Variants in ZFAND3 observed in about 807,000 individuals in gnomAD.
ZFAND3 encodes the protein AN1-type zinc finger protein 3.
In ZFAND3, 10 loss-of-function variants were observed where a neutral mutation model predicts 29.6. The observed-to-expected ratio is 0.34, with a 90% confidence interval of 0.21 to 0.57. The LOEUF is 0.57. Ranked by LOEUF, ZFAND3 falls within the 20% of genes least tolerant of loss-of-function variation. The pLI is 0.86. For synonymous variants in ZFAND3, 128 were observed against 112.6 expected (o/e 1.14, Z -0.87); for missense variants, 230 against 304.5 (o/e 0.76, Z 1.82).
chr6:37,856,091 C>T (rs1225108876), intron 1 of ZFAND3, among the ~76,000 whole-genome samples: 4 of 151,486 alleles, frequency 2.6e-5, no homozygotes, highest in Non-Finnish European at 5.9e-5. Context: ...TGCAGTGGTG[C>T]TCAAGTGATC....
At position 37,923,100 on chromosome 6, in the gene ZFAND3, A is replaced by G. The variant is rs1345263489; in HGVS notation, c.72-6859A>G. Among the ~76,000 whole-genome samples the G allele has an allele frequency of 3.9e-5, 6 of 152,210 alleles. No homozygotes were observed. In the East Asian group the frequency reaches 1.2e-3, roughly 29 times the overall value. Reference sequence around the variant, plus strand: ...ATAGTTACACAGAAATATTTTCATTATATCCTTATTCTATAAGTTTTCTTT... The same window carrying G: ...ATAGTTACACAGAAATATTTTCATTGTATCCTTATTCTATAAGTTTTCTTT... On this transcript the variant is annotated intron_variant, in intron 1 of 5. Transcript: ENST00000287218.
chr6:38,032,719 CAA>C (rs145034600), intron 2 of ZFAND3, among the ~76,000 whole-genome samples: 3,098 of 152,228 alleles, frequency 0.02, 96 homozygotes, highest in African/African-American at 0.071. Context: ...AAGCAAAGCA[CAA>C]AAGAGTCCCT....
chr6:37,934,301 T>C (rs1163100845), intron 2 of ZFAND3, among the ~76,000 whole-genome samples: 1 of 152,022 alleles, frequency 6.6e-6, no homozygotes, highest in Non-Finnish European at 1.5e-5. Context: ...CAAAGGACTT[T>C]TCTTCACAAA....
intron 5 of ZFAND3, among the ~76,000 whole-genome samples, chr6:38,146,893 G>GA (rs1190943573): frequency 2.0e-5 from 3 of 152,178 alleles, no homozygotes; most frequent in Non-Finnish European, 4.4e-5. Flanking sequence ...GGAAAGTGTA[G>GA]ATATGGGAAT....
intron 4 of ZFAND3, among the ~76,000 whole-genome samples, chr6:38,115,311 C>T (rs1415130306): frequency 2.6e-5 from 4 of 152,064 alleles, no homozygotes; most frequent in African/African-American, 9.7e-5. Context: ...TAGAGATAAG[C>T]AAAGGAAGGA....
intron 2 of ZFAND3, among the ~76,000 whole-genome samples, chr6:38,028,487 A>C (rs1763489969): frequency 6.6e-6 from 1 of 151,750 alleles, no homozygotes. Flanking sequence ...TTGAATGTAT[A>C]GTGGTCTATA....
intron 2 of ZFAND3, among the ~76,000 whole-genome samples, chr6:38,028,002 G>A (rs1763481508): frequency 6.6e-6 from 1 of 152,204 alleles, no homozygotes; most frequent in Admixed American, 6.5e-5. Flanking sequence ...CCAGGGCATT[G>A]TTTGCTCTTG....
intron 1 of ZFAND3, among the ~76,000 whole-genome samples, chr6:37,892,962 A>C (rs563137120): frequency 4.8e-4 from 73 of 152,312 alleles, no homozygotes; most frequent in African/African-American, 1.8e-3. Context: ...GTAATTAAAA[A>C]GCTACCTCTT....
At chr6:38,075,709 G>T (rs1272091571) in intron 3 of ZFAND3, among the ~76,000 whole-genome samples, 1 of 152,134 alleles carries the variant, frequency 6.6e-6, no homozygotes, top group African/African-American at 2.4e-5. Context: ...TTACTACAGA[G>T]AAATCTTTTG....
At chr6:38,089,416 C>T (rs1764821986) in intron 4 of ZFAND3, among the ~76,000 whole-genome samples, 1 of 152,160 alleles carries the variant, frequency 6.6e-6, no homozygotes, top group South Asian at 2.1e-4. Flanking sequence ...GCATGAGCCA[C>T]CACACCCAGC....
intron 3 of ZFAND3, among the ~76,000 whole-genome samples, 181 bp from the exon 4 acceptor site, chr6:38,082,211 T>C (rs1289104071): frequency 6.6e-6 from 1 of 151,276 alleles, no homozygotes; most frequent in Non-Finnish European, 1.5e-5. Context: ...GTAGACTAAA[T>C]TGCTGAACTA....
At chr6:37,969,572 T>C (rs534578186) in intron 2 of ZFAND3, among the ~76,000 whole-genome samples, 24 of 152,302 alleles carry the variant, frequency 1.6e-4, no homozygotes, top group African/African-American at 5.5e-4. Flanking sequence ...GTACTCAAAG[T>C]ATGGTTTCTA....
chr6:38,095,991 C>G (rs1410599438), intron 4 of ZFAND3, among the ~76,000 whole-genome samples: 1 of 151,992 alleles, frequency 6.6e-6, no homozygotes, highest in Non-Finnish European at 1.5e-5. Flanking sequence ...CATGATTGCA[C>G]CACTGCACTC....
At chr6:38,105,190 T>TA (rs1229810929) in intron 4 of ZFAND3, among the ~76,000 whole-genome samples, 1 of 152,170 alleles carries the variant, frequency 6.6e-6, no homozygotes, top group Non-Finnish European at 1.5e-5. Flanking sequence ...TTAGGAAGCT[T>TA]AACTTTAAGG....
At chr6:37,833,102 C>T (rs1561904039) in intron 1 of ZFAND3, 2 of 152,068 alleles carry the variant, frequency 1.3e-5, no homozygotes, top group Non-Finnish European at 2.9e-5. Flanking sequence ...AGTGTGGACA[C>T]CTGATCAGCA....
At chr6:37,858,115 A>G (rs952318141) in intron 1 of ZFAND3, among the ~76,000 whole-genome samples, 1 of 152,016 alleles carries the variant, frequency 6.6e-6, no homozygotes, top group Non-Finnish European at 1.5e-5. Flanking sequence ...GTCTTTTTGG[A>G]TAGTTTGCTA....
chr6:37,969,219 A>C (rs1428622263), intron 2 of ZFAND3, among the ~76,000 whole-genome samples: 2 of 152,194 alleles, frequency 1.3e-5, no homozygotes, highest in Admixed American at 6.5e-5. Flanking sequence ...CATTTACAGG[A>C]ATGTTATGTG....
intron 1 of ZFAND3, among the ~76,000 whole-genome samples, chr6:37,916,861 T>C (rs944441069): frequency 2.0e-5 from 3 of 152,236 alleles, no homozygotes; most frequent in Admixed American, 6.5e-5. Context: ...TGCTCTGTCC[T>C]GCCCTGGTGG....
rs530694444 is a variant in ZFAND3, at chr6:38,120,531, G to T, written c.529+3792G>T. Among the ~76,000 whole-genome samples the T allele has an allele frequency of 3.6e-4, 55 of 151,744 alleles. 1 individual carries two copies. The highest frequency in any genetic ancestry group is 3.2e-3 in the Admixed American group (49 of 15,262). ...AGTACAGACAGGGATTCATCATGTTGCCCAGGCTGGTCTTGAACTCCTGAG... is the reference window on the plus strand; with the variant it reads ...AGTACAGACAGGGATTCATCATGTTTCCCAGGCTGGTCTTGAACTCCTGAG... On this transcript the variant is annotated intron_variant, in intron 5 of 5. Coordinates refer to ENST00000287218, the MANE Select transcript of ZFAND3 (RefSeq NM_021943.3).
Sources: gnomAD v4.1 joint callset for allele counts (sites outside exome capture counted in the v4.1 genomes callset) on GRCh38, gnomAD v4.1.1 for gene constraint, MANE v1.5 for transcripts, NCBI Gene and HGNC (gene_info 2026-07-23, HGNC 2026-07-21) for gene names.